The following CDH23 variants were observed in gnomAD, a reference collection of about 807,000 sequenced individuals.
CDH23 encodes cadherin-23.
A neutral mutation model predicts 317.1 loss-of-function variants in CDH23; 189 were observed. The observed-to-expected ratio is 0.60, with a 90% CI of 0.53 to 0.67. CDH23 has a LOEUF of 0.67. Among genes scored for constraint, CDH23 ranks in the 30% least tolerant of loss-of-function variants. The pLI, the probability that CDH23 is intolerant of heterozygous loss-of-function variation, is 0.00. For missense variants in CDH23, 4,401 were observed against 4,592.4 expected (o/e 0.96, Z 1.20); for synonymous variants, 1,839 against 1,876.8 (o/e 0.98, Z 0.52).
intron 3 of CDH23, among the ~76,000 whole-genome samples, chr10:71,492,608 G>C (rs115544008): frequency 0.018 from 2,728 of 152,264 alleles, 62 homozygotes; most frequent in African/African-American, 0.055. Flanking sequence ...ACTAGAACCA[G>C]GTCACTCTCA....
chr10:71,610,840 G>A (rs201687324), intron 9 of CDH23, among the ~76,000 whole-genome samples: 1 of 152,102 alleles, frequency 6.6e-6, no homozygotes, highest in African/African-American at 2.4e-5. Flanking sequence ...AGCAGGGCCA[G>A]TAATGACCTG....
At chr10:71,486,892 C>T (rs1318601913) in intron 3 of CDH23, among the ~76,000 whole-genome samples, 2 of 152,128 alleles carry the variant, frequency 1.3e-5, no homozygotes, top group African/African-American at 4.8e-5. Context: ...AGCCGACCCT[C>T]TGGGGAGCCC....
chr10:71,433,951 T>C (rs1376688534), intron 1 of CDH23, among the ~76,000 whole-genome samples: 1 of 151,654 alleles, frequency 6.6e-6, no homozygotes, highest in Non-Finnish European at 1.5e-5. Context: ...TCTTGAAAAC[T>C]GGTTATTCAT....
At position 71,601,964 on chromosome 10, in the gene CDH23, G is replaced by A. The variant is rs1008577725; in HGVS notation, c.833-13540G>A. 8.9e-4 allele frequency among the ~76,000 whole-genome samples: 135 copies of A among 151,726 alleles called. 1 individual carries two copies. The highest frequency in any genetic ancestry group is 2.8e-3 in the African/African-American group (114 of 41,432). On this transcript the variant is annotated intron_variant, in intron 9 of 69. Transcript: ENST00000224721. ...GCCTGGGCTGGGTGGGCGGCGGAGG[G>A]GGGGGGGCTCTGCAGCCCCCAGGGG...
chr10:71,601,203 TAGG>T (rs1369491173), intron 9 of CDH23, among the ~76,000 whole-genome samples: 1 of 152,028 alleles, frequency 6.6e-6, no homozygotes, highest in East Asian at 1.9e-4. Context: ...TAGGGAGGAG[TAGG>T]AGAAGGAATA....
At chr10:71,640,624 T>C (rs941595034) in intron 11 of CDH23, among the ~76,000 whole-genome samples, 5 of 152,204 alleles carry the variant, frequency 3.3e-5, no homozygotes, top group Non-Finnish European at 7.3e-5. Context: ...GGCGCATGCC[T>C]GTAATCCCAG....
rs577840374 is a variant in CDH23 at position 71,502,050 on chromosome 10, C to A, written c.146-8032C>A. On this transcript the variant is annotated intron_variant, in intron 3 of 69. Coordinates refer to ENST00000224721, the MANE Select transcript of CDH23 (RefSeq NM_022124.6). The stretch of plus-strand genomic sequence containing the variant: ...TCTATCCCAGGCGGCCCTCTCCCGG[C>A]CAGGACCCTTGCTTCCCTCTCTGCA... 2.6e-5 allele frequency among the ~76,000 whole-genome samples: 4 copies of A among 152,350 alleles called. No individual in the cohort carries two copies. The East Asian group carries it at 5.8e-4, about 22-fold the overall frequency.
chr10:71,642,884 G>T (rs1862628779), intron 11 of CDH23, among the ~76,000 whole-genome samples: 1 of 152,212 alleles, frequency 6.6e-6, no homozygotes. Context: ...GTGTGTCATG[G>T]TCTGCTGGGG....
chr10:71,498,104 G>A (rs1435875623), intron 3 of CDH23, among the ~76,000 whole-genome samples: 1 of 152,220 alleles, frequency 6.6e-6, no homozygotes, highest in Non-Finnish European at 1.5e-5. Flanking sequence ...ATTGATGCCA[G>A]CCCCTTCGTA....
At chr10:71,552,240 G>T (rs138822585) in intron 6 of CDH23, among the ~76,000 whole-genome samples, 1 of 152,218 alleles carries the variant, frequency 6.6e-6, no homozygotes, top group Non-Finnish European at 1.5e-5. Flanking sequence ...AACAAGACAG[G>T]TGTCTGGGTT....
intron 1 of CDH23, among the ~76,000 whole-genome samples, chr10:71,406,391 G>T (rs1050760073): frequency 6.6e-6 from 1 of 152,186 alleles, no homozygotes; most frequent in Admixed American, 6.5e-5. Flanking sequence ...ATCTCTGGGG[G>T]CAGAAGCCCT....
intron 14 of CDH23, among the ~76,000 whole-genome samples, chr10:71,672,437 G>T (rs1455877381): frequency 6.6e-6 from 1 of 152,136 alleles, no homozygotes; most frequent in Admixed American, 6.5e-5. Context: ...CCTGGCAGAG[G>T]CAAGGAGCAG....
Position 71,687,575 on chromosome 10 carries a change from G to A in CDH23, c.1987-72G>A, listed in dbSNP as rs1301487423. On this transcript the variant is annotated intron_variant, in intron 18 of 69. Coordinates refer to ENST00000224721, the MANE Select transcript of CDH23 (RefSeq NM_022124.6). ...GCCAGACCTAGCCTGACTCCTTGGT[G>A]CCCACCTTAGACATCTGGCCAGCCC... The A allele has an allele frequency of 2.2e-6, 3 of 1,385,972 alleles. No homozygotes were observed. In the South Asian group the frequency reaches 3.5e-5, roughly 16 times the overall value. 85.9% of individuals were successfully genotyped at this position (1,385,972 alleles called of 1,614,324 possible). A position where few individuals can be genotyped will look rare whatever the true frequency, so the allele number is the denominator to read the frequency against.
chr10:71,571,231 G>A (rs114942884), intron 8 of CDH23, among the ~76,000 whole-genome samples: 1 of 152,360 alleles, frequency 6.6e-6, no homozygotes, highest in East Asian at 1.9e-4. Context: ...AATTCAGCCT[G>A]TGCTGAAGAA....
intron 6 of CDH23, among the ~76,000 whole-genome samples, chr10:71,551,470 G>A (rs533745303): frequency 6.6e-6 from 1 of 152,294 alleles, no homozygotes; most frequent in South Asian, 2.1e-4. Flanking sequence ...GGGCTTGGAA[G>A]GCCCTTGGAA....
At chr10:71,756,626 T>C (rs150399893) in intron 38 of CDH23, among the ~76,000 whole-genome samples, 14 of 152,332 alleles carry the variant, frequency 9.2e-5, no homozygotes, top group African/African-American at 2.2e-4. Context: ...ATGAGGAGGT[T>C]TGATTTATTT....
chr10:71,657,118 C>G (rs1336850165), intron 14 of CDH23, among the ~76,000 whole-genome samples: 1 of 152,210 alleles, frequency 6.6e-6, no homozygotes, highest in African/African-American at 2.4e-5. Flanking sequence ...GTGCATGCGT[C>G]TCCATCTCCG....
intron 15 of CDH23, 77 bp downstream of exon 15, chr10:71,675,253 C>A: frequency 2.4e-6 from 3 of 1,255,446 alleles, no homozygotes; most frequent in Non-Finnish European, 3.5e-6. Context: ...GATCTGGGAA[C>A]TTTTCAGTGC....
intron 2 of CDH23, among the ~76,000 whole-genome samples, chr10:71,443,295 G>A (rs1404514830): frequency 6.6e-6 from 1 of 152,180 alleles, no homozygotes; most frequent in Non-Finnish European, 1.5e-5. Context: ...TATGCTTCCT[G>A]GCTTGGCCCA....
Sources: gnomAD v4.1 joint callset for allele counts (sites outside exome capture counted in the v4.1 genomes callset) on GRCh38, gnomAD v4.1.1 for gene constraint, MANE v1.5 for transcripts, NCBI Gene and HGNC (gene_info 2026-07-23, HGNC 2026-07-21) for gene names.